The following CTDSPL variants were observed in gnomAD, a reference collection of about 807,000 sequenced individuals.
CTDSPL encodes the protein CTD small phosphatase like.
Under a neutral mutation model 30.5 loss-of-function variants are expected in CTDSPL, and 8 were observed. That is an observed-to-expected ratio of 0.26 (90% confidence interval 0.15 to 0.47). CTDSPL has a LOEUF of 0.47. CTDSPL is among the 20% of genes least tolerant of loss of function. CTDSPL has a pLI of 0.99. For missense variants in CTDSPL, 248 were observed against 366.1 expected (o/e 0.68, Z 2.63); for synonymous variants, 110 against 137.9 (o/e 0.80, Z 1.42).
intron 1 of CTDSPL, among the ~76,000 whole-genome samples, chr3:37,885,995 A>G (rs966790936): frequency 2.0e-5 from 3 of 152,170 alleles, no homozygotes; most frequent in Non-Finnish European, 2.9e-5. Context: ...TCCAGTTGAC[A>G]TGTTCCTCCC....
At chr3:37,890,782 C>T (rs1462468115) in intron 1 of CTDSPL, among the ~76,000 whole-genome samples, 2 of 152,016 alleles carry the variant, frequency 1.3e-5, no homozygotes, top group African/African-American at 4.8e-5. Context: ...CCTGCCAGAG[C>T]CATACCAAGT....
At chr3:37,938,999 C>G (rs1698946370) in intron 1 of CTDSPL, among the ~76,000 whole-genome samples, 1 of 150,040 alleles carries the variant, frequency 6.7e-6, no homozygotes, top group South Asian at 2.2e-4. Context: ...ACAGAGAAAA[C>G]TTTACTGGAT....
chr3:37,932,355 C>A (rs1455629784), intron 1 of CTDSPL, among the ~76,000 whole-genome samples: 1 of 152,184 alleles, frequency 6.6e-6, no homozygotes, highest in Non-Finnish European at 1.5e-5. Flanking sequence ...AAGCTTAAAA[C>A]TTCTGCAGAT....
At position 37,927,670 on chromosome 3, in the gene CTDSPL, G is replaced by GTATA. The variant is rs1445872277; in HGVS notation, c.80-19386_80-19385insATAT. Among the ~76,000 whole-genome samples, 50 of 123,066 alleles carry GTATA rather than the reference G, an allele frequency of 4.1e-4. 1 individual carries two copies. The highest frequency in any genetic ancestry group is 1.0e-3 in the African/African-American group (32 of 30,480). The allele number at this position is 123,066 out of a possible 152,430, so 80.7% of individuals were successfully genotyped here. On this transcript the variant is annotated intron_variant, in intron 1 of 7. Coordinates refer to ENST00000273179, the MANE Select transcript of CTDSPL (RefSeq NM_001008392.2). ...TGTGTGTGTGTGTGTGTGTGTGTGT[G>GTATA]TGTGTGTGTATGTGTATATATATAT...
intron 6 of CTDSPL, among the ~76,000 whole-genome samples, chr3:37,973,552 T>C (rs1397496491): frequency 6.6e-6 from 1 of 152,222 alleles, no homozygotes; most frequent in Non-Finnish European, 1.5e-5. Flanking sequence ...CTGAGGTACA[T>C]GTCCTGCTGA....
At chr3:37,934,564 CCTT>C (rs1398009825) in intron 1 of CTDSPL, among the ~76,000 whole-genome samples, 1 of 152,202 alleles carries the variant, frequency 6.6e-6, no homozygotes, top group East Asian at 1.9e-4. Context: ...CATAATCTCT[CCTT>C]CTGAAAACTT....
chr3:37,895,990 A>G (rs1698386376), intron 1 of CTDSPL, among the ~76,000 whole-genome samples: 1 of 152,232 alleles, frequency 6.6e-6, no homozygotes, highest in Non-Finnish European at 1.5e-5. Flanking sequence ...TTCCATGTAC[A>G]CAGAATTCCT....
In CTDSPL at chr3:37,961,892, A is replaced by C. The variant is rs540114029; in HGVS notation, c.268-2679A>C. 8.5e-5 allele frequency among the ~76,000 whole-genome samples: 13 copies of C among 152,306 alleles called. No individual in the cohort carries two copies. In the South Asian group the frequency reaches 2.7e-3, roughly 32 times the overall value. ...AGAGGAAATAAGCTTAGTGTTAACT[A>C]TTCATGGCTGCCAGTTCTCTGCCAA... On this transcript the variant is annotated intron_variant, in intron 3 of 7. Transcript: ENST00000273179.
At chr3:37,888,810 T>C (rs562334887) in intron 1 of CTDSPL, among the ~76,000 whole-genome samples, 1 of 152,328 alleles carries the variant, frequency 6.6e-6, no homozygotes, top group Admixed American at 6.5e-5. Flanking sequence ...TATGATGCTG[T>C]AGCTGGGGGC....
intron 1 of CTDSPL, among the ~76,000 whole-genome samples, chr3:37,924,674 C>T (rs776572442): frequency 2.0e-5 from 3 of 152,180 alleles, no homozygotes; most frequent in Non-Finnish European, 4.4e-5. Context: ...GGCATCCTGC[C>T]GGAGAACTTT....
chr3:37,897,352 G>T (rs756657534), intron 1 of CTDSPL, among the ~76,000 whole-genome samples: 1 of 152,152 alleles, frequency 6.6e-6, no homozygotes, highest in Non-Finnish European at 1.5e-5. Context: ...TGCACATGTC[G>T]CAGGTAAGTC....
intron 1 of CTDSPL, among the ~76,000 whole-genome samples, chr3:37,868,999 T>A (rs1191203676): frequency 6.6e-6 from 1 of 152,144 alleles, no homozygotes; most frequent in Non-Finnish European, 1.5e-5. Flanking sequence ...TGAGGAGAAC[T>A]GACATCTTTT....
intron 6 of CTDSPL, among the ~76,000 whole-genome samples, chr3:37,973,655 G>T (rs555053804): frequency 6.6e-6 from 1 of 152,326 alleles, no homozygotes; most frequent in South Asian, 2.1e-4. Flanking sequence ...CCAGGAGCCC[G>T]CAGGAACCTC....
chr3:37,934,624 G>A (rs9857006), intron 1 of CTDSPL, among the ~76,000 whole-genome samples: 4,213 of 152,250 alleles, frequency 0.028, 189 homozygotes, highest in African/African-American at 0.096. Context: ...TTTGCTAAAA[G>A]TAGCAGGGAG....
intron 2 of CTDSPL, chr3:37,954,387 A>G: frequency 6.6e-6 from 1 of 152,254 alleles, no homozygotes; most frequent in Admixed American, 6.5e-5. Flanking sequence ...CTGGGAGACC[A>G]GACGCCAAAG....
chr3:37,957,061 A>G (rs774541306), intron 2 of CTDSPL, 50 bp from the exon 3 acceptor site: 19 of 1,506,116 alleles, frequency 1.3e-5, no homozygotes, highest in African/African-American at 2.8e-5. Context: ...TTTTGAGAAT[A>G]TGATCTTCTC....
chr3:37,910,055 C>G (rs930888605), intron 1 of CTDSPL, among the ~76,000 whole-genome samples: 1 of 152,168 alleles, frequency 6.6e-6, no homozygotes, highest in African/African-American at 2.4e-5. Flanking sequence ...CTTCAATTTT[C>G]TCATCTGTAA....
chr3:37,940,111 A>T (rs946851486), intron 1 of CTDSPL, among the ~76,000 whole-genome samples: 1 of 149,910 alleles, frequency 6.7e-6, no homozygotes, highest in Non-Finnish European at 1.5e-5. Flanking sequence ...AGCTATTTCT[A>T]TACCCCTCGC....
At chr3:37,869,966 G>T (rs1318266859) in intron 1 of CTDSPL, among the ~76,000 whole-genome samples, 1 of 152,168 alleles carries the variant, frequency 6.6e-6, no homozygotes, top group African/African-American at 2.4e-5. Flanking sequence ...TTACTTGGTT[G>T]TGGTGTATAA....
Sources: allele counts gnomAD v4.1 joint callset (sites outside exome capture counted in the v4.1 genomes callset), GRCh38; gene constraint gnomAD v4.1.1; transcripts MANE v1.5; gene names NCBI Gene and HGNC (gene_info 2026-07-23, HGNC 2026-07-21).